The following PTPRD variants were observed in gnomAD, a reference collection of about 807,000 sequenced individuals.
PTPRD encodes the protein protein tyrosine phosphatase receptor type D.
Under a neutral mutation model 214.5 loss-of-function variants are expected in PTPRD, and 34 were observed. The observed-to-expected ratio is 0.16, with a 90% CI of 0.12 to 0.21. PTPRD has a LOEUF of 0.21. Among genes scored for constraint, PTPRD ranks in the 10% least tolerant of loss-of-function variants. The probability of loss-of-function intolerance (pLI) is 1.00; values close to 1 mark genes in which losing one functional copy is unlikely to be tolerated. For missense variants in PTPRD, 2,545 were observed against 2,398.7 expected, an observed-to-expected ratio of 1.06 and a Z score of -1.27; for synonymous variants, 1,128 against 845.7, an observed-to-expected ratio of 1.33 and a Z score of -5.79.
intron 21 of PTPRD, among the ~76,000 whole-genome samples, chr9:8,514,845 G>A (rs1200215335): frequency 6.6e-6 from 1 of 152,162 alleles, no homozygotes; most frequent in African/African-American, 2.4e-5. Flanking sequence ...CCTGGTGGGA[G>A]GTGATTGAAC....
At chr9:9,240,810 C>A (rs1057020327) in intron 9 of PTPRD, among the ~76,000 whole-genome samples, 2 of 152,096 alleles carry the variant, frequency 1.3e-5, no homozygotes, top group African/African-American at 4.8e-5. Flanking sequence ...GCCACAGAAA[C>A]AACCAAATTT....
intron 2 of PTPRD, among the ~76,000 whole-genome samples, chr9:10,564,547 A>G (rs555540467): frequency 9.9e-5 from 15 of 152,180 alleles, no homozygotes; most frequent in South Asian, 4.1e-4. Flanking sequence ...AAGGGCAGAT[A>G]GCCTAAGAAG....
At chr9:10,527,342 G>T (rs1381674183) in intron 2 of PTPRD, among the ~76,000 whole-genome samples, 3 of 152,080 alleles carry the variant, frequency 2.0e-5, no homozygotes, top group Non-Finnish European at 4.4e-5. Flanking sequence ...TGAGATAAGA[G>T]ACTAGGTAAC....
At chr9:9,447,194 T>C (rs1382954537) in intron 8 of PTPRD, among the ~76,000 whole-genome samples, 1 of 152,172 alleles carries the variant, frequency 6.6e-6, no homozygotes. Flanking sequence ...TTAATCATTC[T>C]ATCATAATGA....
chr9:10,426,527 A>C (rs1029395725), intron 2 of PTPRD, among the ~76,000 whole-genome samples: 4 of 152,056 alleles, frequency 2.6e-5, no homozygotes, highest in Admixed American at 2.0e-4. Context: ...TTTAAAAGCC[A>C]TTGGTCCATA....
At chr9:8,599,683 GCGCGAT>G (rs1371792157) in intron 14 of PTPRD, among the ~76,000 whole-genome samples, 1 of 143,312 alleles carries the variant, frequency 7.0e-6, no homozygotes, top group African/African-American at 2.6e-5. Context: ...GAGTGCAACG[GCGCGAT>G]CACTGCAACC....
At chr9:10,466,761 T>C (rs1391333907) in intron 2 of PTPRD, among the ~76,000 whole-genome samples, 2 of 151,286 alleles carry the variant, frequency 1.3e-5, no homozygotes, top group South Asian at 4.2e-4. Flanking sequence ...TAAAAAATGG[T>C]AAAGTAAGCT....
At chr9:9,399,895 G>T (rs906915716) in intron 8 of PTPRD, among the ~76,000 whole-genome samples, 1 of 151,936 alleles carries the variant, frequency 6.6e-6, no homozygotes, top group South Asian at 2.1e-4. Flanking sequence ...AAATTACCCA[G>T]TCTTGGGTAT....
At chr9:8,711,543 C>T (rs1423880382) in intron 12 of PTPRD, among the ~76,000 whole-genome samples, 1 of 152,048 alleles carries the variant, frequency 6.6e-6, no homozygotes, top group Non-Finnish European at 1.5e-5. Context: ...AATAAAAACC[C>T]TTCGAGAGCT....
intron 10 of PTPRD, among the ~76,000 whole-genome samples, chr9:9,035,164 C>T (rs889568032): frequency 6.6e-6 from 1 of 152,038 alleles, no homozygotes. Flanking sequence ...GCTCAGTGAA[C>T]ACTTTTGCAT....
At chr9:10,318,372 C>T (rs1020638418) in intron 3 of PTPRD, among the ~76,000 whole-genome samples, 1 of 151,934 alleles carries the variant, frequency 6.6e-6, no homozygotes, top group Non-Finnish European at 1.5e-5. Context: ...TCCTTATGAC[C>T]ATAATATAGT....
At chr9:8,703,448 T>G (rs2098133387) in intron 12 of PTPRD, among the ~76,000 whole-genome samples, 1 of 152,194 alleles carries the variant, frequency 6.6e-6, no homozygotes, top group South Asian at 2.1e-4. Context: ...CTGATGTCAT[T>G]AATGTCCCTG....
chr9:8,495,065 C>A (rs1437140622), intron 26 of PTPRD, among the ~76,000 whole-genome samples: 1 of 152,150 alleles, frequency 6.6e-6, no homozygotes, highest in African/African-American at 2.4e-5. Context: ...CATTTCTAAA[C>A]CTTAAATAAT....
chr9:8,829,217 T>C (rs2097235606), intron 11 of PTPRD, among the ~76,000 whole-genome samples: 1 of 152,178 alleles, frequency 6.6e-6, no homozygotes, highest in Admixed American at 6.5e-5. Context: ...CTTATCAAGA[T>C]ATACAACATT....
At chr9:10,082,846 C>CACACAT (rs2098266169) in intron 3 of PTPRD, among the ~76,000 whole-genome samples, 1 of 143,304 alleles carries the variant, frequency 7.0e-6, no homozygotes. Flanking sequence ...CACAAACACA[C>CACACAT]ACACACACAC....
chr9:9,368,473 A>G (rs1185411167), intron 9 of PTPRD, among the ~76,000 whole-genome samples: 1 of 151,868 alleles, frequency 6.6e-6, no homozygotes, highest in African/African-American at 2.4e-5. Context: ...AGGCTGAGCC[A>G]TTTACTGTAG....
chr9:10,202,589 T>C (rs1485744365), intron 3 of PTPRD, among the ~76,000 whole-genome samples: 3 of 149,492 alleles, frequency 2.0e-5, no homozygotes, highest in Non-Finnish European at 3.0e-5. Context: ...ATTTAAATAG[T>C]CATTTAGGAA....
intron 9 of PTPRD, among the ~76,000 whole-genome samples, chr9:9,392,291 TAA>T: frequency 6.6e-6 from 1 of 152,176 alleles, no homozygotes; most frequent in Non-Finnish European, 1.5e-5. Context: ...CATTGGGTCA[TAA>T]ACCTGCTTAC....
chr9:10,169,377 G>C (rs971933061), intron 3 of PTPRD, among the ~76,000 whole-genome samples: 3 of 150,558 alleles, frequency 2.0e-5, no homozygotes, highest in South Asian at 2.1e-4. Flanking sequence ...GGGAGGCTGA[G>C]GCAGGAGAAT....
Sources: gnomAD v4.1 joint callset for allele counts (sites outside exome capture counted in the v4.1 genomes callset) on GRCh38, gnomAD v4.1.1 for gene constraint, MANE v1.5 for transcripts, NCBI Gene and HGNC (gene_info 2026-07-23, HGNC 2026-07-21) for gene names.